TMC1: variants seen among roughly 807,000 people sequenced by gnomAD.
The protein encoded by TMC1 is transmembrane channel-like protein 1.
In TMC1, 84 loss-of-function variants were observed where a neutral mutation model predicts 105.8. That is an observed-to-expected ratio of 0.79 (90% CI 0.67 to 0.95). The LOEUF is 0.95. Among genes scored for constraint, TMC1 ranks in the 40% least tolerant of loss-of-function variants. TMC1 has a pLI of 0.00. For missense variants in TMC1, 817 were observed against 914.1 expected (o/e 0.89, Z 1.37); for synonymous variants, 315 against 311.5 (o/e 1.01, Z -0.12).
intron 23 of TMC1, 39 bp from the exon 24 acceptor site, chr9:72,835,912 C>CTTTTTTT: frequency 1.4e-6 from 2 of 1,436,376 alleles, no homozygotes; most frequent in East Asian, 2.3e-5. Flanking sequence ...TCTCTCTCTC[C>CTTTTTTT]TTGTTTTTTT....
At chr9:72,722,130 A>G (rs568415106) in intron 8 of TMC1, among the ~76,000 whole-genome samples, 4 of 152,250 alleles carry the variant, frequency 2.6e-5, no homozygotes, top group African/African-American at 9.6e-5. Flanking sequence ...AACTCATTTA[A>G]TCCTTATGAG....
chr9:72,550,670 A>AAAAG (rs1564404185), intron 1 of TMC1, among the ~76,000 whole-genome samples: 1 of 151,266 alleles, frequency 6.6e-6, no homozygotes, highest in African/African-American at 2.4e-5. Flanking sequence ...AAAAAAAAAA[A>AAAAG]AAAAAAAAAG....
intron 8 of TMC1, among the ~76,000 whole-genome samples, chr9:72,736,701 C>G (rs1218428744): frequency 6.6e-6 from 1 of 152,064 alleles, no homozygotes; most frequent in Non-Finnish European, 1.5e-5. Context: ...TATGATAACT[C>G]CTATGTATAC....
chr9:72,592,756 C>T (rs1210086698), intron 2 of TMC1, among the ~76,000 whole-genome samples: 2 of 152,162 alleles, frequency 1.3e-5, no homozygotes, highest in African/African-American at 2.4e-5. Flanking sequence ...CTTATGGAAC[C>T]GTCAAAGACA....
chr9:72,578,855 AAAG>A (rs1383592163), intron 2 of TMC1, among the ~76,000 whole-genome samples: 11 of 152,260 alleles, frequency 7.2e-5, no homozygotes, highest in African/African-American at 2.6e-4. Context: ...GGGTCTGGGG[AAAG>A]AAGAATAGAA....
At chr9:72,542,787 C>T (rs1486550005) in intron 1 of TMC1, among the ~76,000 whole-genome samples, 1 of 151,830 alleles carries the variant, frequency 6.6e-6, no homozygotes, top group Non-Finnish European at 1.5e-5. Flanking sequence ...TCAAGCAATT[C>T]TTCTGCCTCA....
chr9:72,558,937 CA>C (rs1383734008), intron 1 of TMC1, among the ~76,000 whole-genome samples: 4 of 151,812 alleles, frequency 2.6e-5, no homozygotes, highest in Non-Finnish European at 5.9e-5. Flanking sequence ...ATAAGAAATG[CA>C]ATTAAAAACA....
chr9:72,723,770 AC>A (rs1564514738), intron 8 of TMC1, among the ~76,000 whole-genome samples: 1 of 152,194 alleles, frequency 6.6e-6, no homozygotes. Context: ...ACTTTTGTCT[AC>A]CAAGAATTCC....
chr9:72,647,016 C>G (rs907319434), intron 4 of TMC1, among the ~76,000 whole-genome samples: 2 of 151,638 alleles, frequency 1.3e-5, no homozygotes, highest in African/African-American at 2.4e-5. Flanking sequence ...GTGGCGGGTG[C>G]CTGTAATCCC....
At chr9:72,826,444 T>C (rs1198143113) in intron 20 of TMC1, among the ~76,000 whole-genome samples, 1 of 152,214 alleles carries the variant, frequency 6.6e-6, no homozygotes, top group Non-Finnish European at 1.5e-5. Flanking sequence ...TATTGGATTA[T>C]ATGTGGATTT....
At chr9:72,574,172 T>C (rs1190072443) in intron 1 of TMC1, among the ~76,000 whole-genome samples, 1 of 152,240 alleles carries the variant, frequency 6.6e-6, no homozygotes, top group Admixed American at 6.5e-5. Flanking sequence ...GTGGCCATGC[T>C]CCATGCTCCA....
intron 2 of TMC1, among the ~76,000 whole-genome samples, chr9:72,605,575 ATTTTTTT>A (rs376876900): frequency 7.6e-6 from 1 of 131,702 alleles, no homozygotes; most frequent in Non-Finnish European, 1.6e-5. Context: ...AGTCAGATTA[ATTTTTTT>A]TTTTTTTTTT....
At chr9:72,531,857 ATT>A (rs1295468568) in intron 1 of TMC1, among the ~76,000 whole-genome samples, 1 of 151,994 alleles carries the variant, frequency 6.6e-6, no homozygotes, top group Non-Finnish European at 1.5e-5. Flanking sequence ...CTGAATTCCC[ATT>A]TTTTCCTGTA....
At chr9:72,543,928 G>GTT (rs1338589586) in intron 1 of TMC1, among the ~76,000 whole-genome samples, 155 of 132,150 alleles carry the variant, frequency 1.2e-3, no homozygotes, top group Non-Finnish European at 1.6e-3. Context: ...TGCTTCAATA[G>GTT]TTTCTTTTTC....
At chr9:72,525,769 C>T (rs188917010) in intron 1 of TMC1, among the ~76,000 whole-genome samples, 1 of 152,354 alleles carries the variant, frequency 6.6e-6, no homozygotes, top group Admixed American at 6.5e-5. Context: ...GGGCAGATCA[C>T]TTGAGGTCAG....
intron 5 of TMC1, among the ~76,000 whole-genome samples, chr9:72,685,297 G>A (rs1352828958): frequency 5.3e-5 from 8 of 150,456 alleles, no homozygotes; most frequent in Non-Finnish European, 3.0e-5. Flanking sequence ...TAGTAGAGAC[G>A]GGGTTTCACT....
chr9:72,555,271 C>T (rs563622066), intron 1 of TMC1, among the ~76,000 whole-genome samples: 6 of 150,312 alleles, frequency 4.0e-5, no homozygotes, highest in Admixed American at 1.3e-4. Flanking sequence ...TCTCCGCTCA[C>T]AGCAACCTCC....
chr9:72,613,223 C>A (rs957974368), intron 2 of TMC1, among the ~76,000 whole-genome samples: 1 of 151,580 alleles, frequency 6.6e-6, no homozygotes, highest in Non-Finnish European at 1.5e-5. Flanking sequence ...CCTCCGCCTC[C>A]CGGGTTCAAG....
chr9:72,594,674 T>C (rs1824690471), intron 2 of TMC1, among the ~76,000 whole-genome samples: 1 of 152,202 alleles, frequency 6.6e-6, no homozygotes, highest in Non-Finnish European at 1.5e-5. Context: ...CCACAATTTA[T>C]GTGACTGATT....
Sources: gnomAD v4.1 joint callset for allele counts (sites outside exome capture counted in the v4.1 genomes callset) on GRCh38, gnomAD v4.1.1 for gene constraint, MANE v1.5 for transcripts, NCBI Gene and HGNC (gene_info 2026-07-23, HGNC 2026-07-21) for gene names.